Variants in DDX23 observed in about 807,000 individuals in gnomAD.
DDX23 encodes the protein DEAD-box helicase 23.
DDX23 carries 33 observed loss-of-function variants against 102.7 expected under a neutral mutation model. That is an observed-to-expected ratio of 0.32 (90% confidence interval 0.24 to 0.43). The LOEUF (loss-of-function observed/expected upper bound fraction) is 0.43. Ranked by LOEUF, DDX23 falls within the 20% of genes least tolerant of loss-of-function variation. The pLI is 1.00. For synonymous variants in DDX23, 352 were observed against 376.0 expected (o/e 0.94, Z 0.74); for missense variants, 549 against 1,086.6 (o/e 0.51, Z 6.96).
intron 5 of DDX23, among the ~76,000 whole-genome samples, chr12:48,838,608 T>C (rs990629130): frequency 4.0e-5 from 6 of 150,978 alleles, no homozygotes; most frequent in Non-Finnish European, 8.8e-5. Context: ...TCCTAGCACT[T>C]TGGGAGGCCG....
At chr12:48,842,703 G>T (rs1165450973) in intron 3 of DDX23, among the ~76,000 whole-genome samples, 2 of 150,220 alleles carry the variant, frequency 1.3e-5, no homozygotes, top group Admixed American at 1.3e-4. Context: ...CCGGCCAGCC[G>T]CCCCGTCCAG....
chr12:48,835,295 A>C (rs1418724587), intron 11 of DDX23: 1 of 167,206 alleles, frequency 6.0e-6, no homozygotes, highest in Non-Finnish European at 1.3e-5. Flanking sequence ...AGATTCAGCC[A>C]GGTGCAGTGG....
intron 5 of DDX23, 32 bp from the exon 6 acceptor site, chr12:48,838,112 A>C (rs1300578384): frequency 1.2e-6 from 2 of 1,613,222 alleles, no homozygotes; most frequent in African/African-American, 2.7e-5. Flanking sequence ...TCAACAAAGG[A>C]TCTGGGAGCA....
intron 1 of DDX23, among the ~76,000 whole-genome samples, chr12:48,851,324 T>C (rs1386744879): frequency 2.0e-5 from 3 of 151,954 alleles, no homozygotes; most frequent in Non-Finnish European, 4.4e-5. Flanking sequence ...ATACAAAAAA[T>C]TAGCCGGGCG....
At position 48,830,383 on chromosome 12, in the gene DDX23, G is replaced by A; in HGVS notation, c.*86C>T. The A allele has an allele frequency of 4.1e-6, 6 of 1,455,976 alleles. No homozygotes were observed. The highest frequency in any genetic ancestry group is 5.7e-6 in the Non-Finnish European group (6 of 1,044,570). 90.2% of individuals were successfully genotyped at this position (1,455,976 alleles called of 1,614,324 possible). On this transcript the variant is annotated 3_prime_UTR_variant, in exon 17 of 17. Transcript: ENST00000308025. This position sits in a 1 kb window ranked among gnomAD's most constrained non-coding sequence, Gnocchi z 4.9. ...TAAGCCCCCATATCCCAAGAGTGAG[G>A]ACCTGGAAAGAGGGATGTGAGGGTT...
Position 48,830,261 on chromosome 12 carries a change from C to T in DDX23, c.*208G>A, listed in dbSNP as rs1565674499. The T allele has an allele frequency of 2.9e-6, 2 of 695,024 alleles. No individual in the cohort carries two copies. Among genetic ancestry groups the T allele is most frequent in the Non-Finnish European group, 2.6e-6 (1 of 385,448 alleles). The allele number at this position is 695,024 out of a possible 1,614,324, so 43.1% of individuals were successfully genotyped here. On this transcript the variant is annotated 3_prime_UTR_variant, in exon 17 of 17. Transcript: ENST00000308025. The surrounding 1 kb of genome is among the most constrained non-coding windows in gnomAD (Gnocchi z 4.9). ...TGGGCCAAGAAGCTGTGGTAATTTGCTCTCCCTGCCTCCGACAGCGTCGTC... is the reference window on the plus strand; with the variant it reads ...TGGGCCAAGAAGCTGTGGTAATTTGTTCTCCCTGCCTCCGACAGCGTCGTC...
chr12:48,832,989 CTTTT>C lies in DDX23; in HGVS notation c.1803+284_1803+287del, dbSNP rs995189583. 1.3e-5 allele frequency: 6 copies of C among 462,062 alleles called. No individual in the cohort carries two copies. Among genetic ancestry groups the C allele is most frequent in the Middle Eastern group, 1.2e-3 (2 of 1,666 alleles). 28.6% of individuals were successfully genotyped at this position (462,062 alleles called of 1,614,324 possible). A position where few individuals can be genotyped will look rare whatever the true frequency, so the allele number is the denominator to read the frequency against. On this transcript the variant is annotated intron_variant, in intron 13 of 16. Transcript: ENST00000308025. The surrounding 1 kb of genome is among the most constrained non-coding windows in gnomAD (Gnocchi z 4.4). ...AGGTTGGCAACCTTGTACAACTTTT[CTTTT>C]TTTTTGAGACAGGGCCTCACTCTGT...
In DDX23 at chr12:48,833,448, G is replaced by A; in HGVS notation, c.1632C>T (p.Thr544=). 1 of 1,614,170 alleles carries A rather than the reference G, an allele frequency of 6.2e-7. No individual in the cohort carries two copies. Among genetic ancestry groups the A allele is most frequent in the Non-Finnish European group, 8.5e-7 (1 of 1,180,040 alleles). The change falls in exon 13 of 17, where the codon ACC becomes ACT. Residue 544 remains threonine (T), a synonymous_variant. Transcript: ENST00000308025. ...TATCTGCCTCATCCAGAACCACATAGGTACAGCGGCTCAGCACCAGGTAGC... is the reference window on the plus strand; with the variant it reads ...TATCTGCCTCATCCAGAACCACATAAGTACAGCGGCTCAGCACCAGGTAGC... ...ENRYLVLSRC[T]YVVLDEADRM...
intron 1 of DDX23, among the ~76,000 whole-genome samples, chr12:48,848,112 C>T (rs897807248): frequency 5.3e-5 from 8 of 152,076 alleles, no homozygotes; most frequent in African/African-American, 1.7e-4. Context: ...GGTGAAACCC[C>T]GTCTCCACTA....
In DDX23 at chr12:48,830,268, T is replaced by A; in HGVS notation, c.*201A>T. On this transcript the variant is annotated 3_prime_UTR_variant, in exon 17 of 17. Transcript: ENST00000308025. This position sits in a 1 kb window ranked among gnomAD's most constrained non-coding sequence, Gnocchi z 4.9. ...AGAAGCTGTGGTAATTTGCTCTCCC[T>A]GCCTCCGACAGCGTCGTCCTCTCCT... 1.4e-6 allele frequency: 1 copy of A among 713,720 alleles called. No individual in the cohort carries two copies. Among genetic ancestry groups the A allele is most frequent in the Non-Finnish European group, 2.5e-6 (1 of 400,354 alleles). The allele number at this position is 713,720 out of a possible 1,614,324, so 44.2% of individuals were successfully genotyped here.
intron 8 of DDX23, 61 bp downstream of exon 8, chr12:48,837,220 C>T: frequency 1.3e-6 from 2 of 1,578,498 alleles, no homozygotes; most frequent in Non-Finnish European, 1.7e-6. Flanking sequence ...CCTCCGTAGT[C>T]ATCAGCTCTC....
In DDX23 at chr12:48,836,453, G is replaced by T; in HGVS notation, c.1236+116C>A. On this transcript the variant is annotated intron_variant, in intron 10 of 16. Transcript: ENST00000308025. This position sits in a 1 kb window ranked among gnomAD's most constrained non-coding sequence, Gnocchi z 6.1. ...CTTCTACCAGAAAGTGACAGAAAAG[G>T]TCACATTGGTGCCCACTAGCAGCGA... 1.6e-6 allele frequency: 2 copies of T among 1,261,690 alleles called. No homozygotes were observed. Among genetic ancestry groups the T allele is most frequent in the Non-Finnish European group, 1.1e-6 (1 of 894,010 alleles). The allele number at this position is 1,261,690 out of a possible 1,614,324, so 78.2% of individuals were successfully genotyped here.
At chr12:48,851,499 A>G (rs1208442943) in intron 1 of DDX23, among the ~76,000 whole-genome samples, 4 of 152,160 alleles carry the variant, frequency 2.6e-5, no homozygotes, top group Non-Finnish European at 2.9e-5. Flanking sequence ...GAAAAGAAAA[A>G]AAAGAACAAT....
At position 48,835,234 on chromosome 12, in the gene DDX23, T is replaced by G. The variant is rs559928881; in HGVS notation, c.1383-737A>C. 8 of 199,158 alleles carry G rather than the reference T, an allele frequency of 4.0e-5. No homozygotes were observed. The East Asian group carries it at 1.2e-3, about 31-fold the overall frequency. 12.3% of individuals were successfully genotyped at this position (199,158 alleles called of 1,614,324 possible). On this transcript the variant is annotated intron_variant, in intron 11 of 16. Transcript: ENST00000308025. ...TCCAGCCTAGACAATAGAGCGAGAC[T>G]CCATCTCAAAAAATAAATAAATAAA...
In DDX23 at chr12:48,845,695, G is replaced by A. The variant is rs146374236; in HGVS notation, c.88C>T (p.Arg30Trp). The A allele has an allele frequency of 2.9e-5, 46 of 1,614,024 alleles. No homozygotes were observed. The highest frequency in any genetic ancestry group is 2.9e-5 in the Non-Finnish European group (34 of 1,180,034). ...GACTTCCGGTCCCGGTCTCTATCCC[G>A]CTCTCTGTCAGGAGTCCGTGATCGC... ...RKRSRTPDRERDRDRDRKSSP... is the reference protein window; with the variant it reads ...RKRSRTPDREWDRDRDRKSSP... Residue 30 changes from arginine (R) to tryptophan (W), a missense_variant, in exon 2 of 17, where the codon CGG becomes TGG. Physicochemically the swap from Arg to Trp is moderately radical, Grantham distance 101. Transcript: ENST00000308025.
intron 1 of DDX23, among the ~76,000 whole-genome samples, chr12:48,851,523 C>G (rs1234151731): frequency 6.6e-6 from 1 of 151,920 alleles, no homozygotes; most frequent in Non-Finnish European, 1.5e-5. Flanking sequence ...GGGTATGAGA[C>G]ACATACCAAG....
At chr12:48,844,996 T>G (rs1427490437) in intron 2 of DDX23, among the ~76,000 whole-genome samples, 5 of 150,482 alleles carry the variant, frequency 3.3e-5, no homozygotes, top group African/African-American at 1.2e-4. Flanking sequence ...CTACTAAAAG[T>G]ACAAAATTAG....
rs936714338 is a variant in DDX23 at position 48,836,317 on chromosome 12, TGG to T, written c.1237-53_1237-52del. 14 of 1,594,964 alleles carry T rather than the reference TGG, an allele frequency of 8.8e-6. No individual in the cohort carries two copies. The highest frequency in any genetic ancestry group is 1.2e-5 in the Non-Finnish European group (14 of 1,163,732). ...TAGGTACAGGGAGAGTTATACCACC[TGG>T]GCAACCACTGATAGTAGTAAGCACA... On this transcript the variant is annotated intron_variant, in intron 10 of 16. Coordinates refer to ENST00000308025, the MANE Select transcript of DDX23 (RefSeq NM_004818.3). This position sits in a 1 kb window ranked among gnomAD's most constrained non-coding sequence, Gnocchi z 6.1.
intron 1 of DDX23, among the ~76,000 whole-genome samples, chr12:48,851,408 G>C (rs1357475663): frequency 6.6e-6 from 1 of 152,130 alleles, no homozygotes; most frequent in Non-Finnish European, 1.5e-5. Context: ...GGGAGGCGGA[G>C]GTTGCAGAGA....
Sources: allele counts gnomAD v4.1 joint callset (sites outside exome capture counted in the v4.1 genomes callset), GRCh38; gene constraint gnomAD v4.1.1; non-coding constraint Gnocchi (gnomAD v3.1); transcripts MANE v1.5; gene names NCBI Gene and HGNC (gene_info 2026-07-23, HGNC 2026-07-21).